ARK2C: variants seen among roughly 807,000 people sequenced by gnomAD.
ARK2C encodes arkadia (RNF111) C-terminal like ring finger ubiquitin ligase 2C.
chr18:46,450,755 C>G, the ARK2C span: 1 of 1,613,962 alleles, frequency 6.2e-7, no homozygotes, highest in Non-Finnish European at 8.5e-7. Context: ...GGGAGCTGTA[C>G]AGAACACCAT....
the ARK2C span, chr18:46,456,481 C>A: frequency 6.9e-7 from 1 of 1,459,688 alleles, no homozygotes; most frequent in Non-Finnish European, 9.6e-7. Context: ...TGTCCCTCAG[C>A]TCTTGCCGGG....
the ARK2C span, among the ~76,000 whole-genome samples, chr18:46,420,401 A>G: frequency 6.6e-6 from 1 of 152,172 alleles, no homozygotes; most frequent in Non-Finnish European, 1.5e-5. Context: ...CCGTATTCAC[A>G]GGGCCGGGCT....
the ARK2C span, among the ~76,000 whole-genome samples, chr18:46,419,487 C>A: frequency 6.6e-6 from 1 of 152,186 alleles, no homozygotes; most frequent in South Asian, 2.1e-4. Context: ...GTACCCAAGT[C>A]ACTCCCCTGA....
the ARK2C span, among the ~76,000 whole-genome samples, chr18:46,372,361 A>G: frequency 6.6e-6 from 1 of 152,180 alleles, no homozygotes; most frequent in Non-Finnish European, 1.5e-5. Context: ...CGGTCCCACC[A>G]TTGCTCAGCT....
At chr18:46,366,418 G>A in the ARK2C span, among the ~76,000 whole-genome samples, 2 of 151,454 alleles carry the variant, frequency 1.3e-5, no homozygotes, top group African/African-American at 4.8e-5. Context: ...TCCCTTCTCC[G>A]CAAGCCCAGC....
the ARK2C span, among the ~76,000 whole-genome samples, chr18:46,366,708 G>T: frequency 6.6e-6 from 1 of 152,172 alleles, no homozygotes; most frequent in South Asian, 2.1e-4. Context: ...CTTAAATGTA[G>T]CTCTGCCACG....
chr18:46,392,701 T>G, the ARK2C span, among the ~76,000 whole-genome samples: 4 of 152,152 alleles, frequency 2.6e-5, no homozygotes, highest in Non-Finnish European at 5.9e-5. Flanking sequence ...CTGTGCCTTG[T>G]CAGTCTCTCC....
chr18:46,404,185 A>G, the ARK2C span, among the ~76,000 whole-genome samples: 1 of 152,168 alleles, frequency 6.6e-6, no homozygotes. Context: ...TGATTTCTCG[A>G]AAACTGCTCA....
chr18:46,449,391 A>G, the ARK2C span, among the ~76,000 whole-genome samples: 1 of 152,116 alleles, frequency 6.6e-6, no homozygotes, highest in East Asian at 1.9e-4. Context: ...AAATATCGTT[A>G]ATCTTTATTA....
chr18:46,411,148 A>G, the ARK2C span, among the ~76,000 whole-genome samples: 35,451 of 152,182 alleles, frequency 0.23, 4,392 homozygotes, highest in East Asian at 0.4. Context: ...TGAGAGTTGA[A>G]TGAAGGGAGA....
the ARK2C span, among the ~76,000 whole-genome samples, chr18:46,397,468 G>A: frequency 1.5e-5 from 2 of 132,286 alleles, no homozygotes; most frequent in Non-Finnish European, 3.2e-5. Flanking sequence ...GTGTGTGTGT[G>A]TGGTCATGCT....
the ARK2C span, among the ~76,000 whole-genome samples, chr18:46,425,700 C>G: frequency 6.6e-6 from 1 of 152,122 alleles, no homozygotes; most frequent in Non-Finnish European, 1.5e-5. Flanking sequence ...CTCCCCTCAT[C>G]TGCTGGCCAG....
At chr18:46,396,678 C>T in the ARK2C span, among the ~76,000 whole-genome samples, 1 of 152,212 alleles carries the variant, frequency 6.6e-6, no homozygotes, top group East Asian at 1.9e-4. Flanking sequence ...CACTTCTCGG[C>T]CTGGCTGTCG....
At chr18:46,451,259 C>G in the ARK2C span, among the ~76,000 whole-genome samples, 1 of 152,174 alleles carries the variant, frequency 6.6e-6, no homozygotes, top group Non-Finnish European at 1.5e-5. Flanking sequence ...GCGTCAGGAT[C>G]ACCTGGGGAG....
chr18:46,447,787 G>T, the ARK2C span: 3 of 1,460,572 alleles, frequency 2.1e-6, no homozygotes, highest in Admixed American at 3.4e-5. Flanking sequence ...ACATGGCCTG[G>T]CTCCCCTGTA....
chr18:46,355,733 C>G, the ARK2C span, among the ~76,000 whole-genome samples: 2,483 of 101,220 alleles, frequency 0.025, 49 homozygotes, highest in African/African-American at 0.063. Context: ...CTGTGGCTCC[C>G]CTCTATCTCT....
chr18:46,446,199 C>T, the ARK2C span, among the ~76,000 whole-genome samples: 1 of 152,076 alleles, frequency 6.6e-6, no homozygotes, highest in South Asian at 2.1e-4. Context: ...TGCTTAGATC[C>T]TTTATTTCTT....
the ARK2C span, among the ~76,000 whole-genome samples, chr18:46,342,190 T>A: frequency 6.0e-4 from 92 of 152,246 alleles, no homozygotes; most frequent in African/African-American, 2.1e-3. Context: ...TTGCCACCCT[T>A]CCTGACTAGC....
At chr18:46,432,336 C>T in the ARK2C span, among the ~76,000 whole-genome samples, 1 of 152,196 alleles carries the variant, frequency 6.6e-6, no homozygotes, top group African/African-American at 2.4e-5. Context: ...AATGTTATAA[C>T]ACATTATTTA....
Sources: gnomAD v4.1 joint callset for allele counts (sites outside exome capture counted in the v4.1 genomes callset) on GRCh38, gnomAD v4.1.1 for gene constraint, MANE v1.5 for transcripts, NCBI Gene and HGNC (gene_info 2026-07-23, HGNC 2026-07-21) for gene names.